Variants in PAPPA2 observed in about 807,000 individuals in gnomAD.
PAPPA2 encodes the protein pappalysin 2.
In PAPPA2, 86 loss-of-function variants were observed where a neutral mutation model predicts 176.4. The ratio of observed to expected loss-of-function variants is 0.49; its 90% CI spans 0.41 to 0.58. PAPPA2 has a LOEUF of 0.58. Among genes scored for constraint, PAPPA2 ranks in the 20% least tolerant of loss-of-function variants. PAPPA2 has a pLI of 0.00. For missense variants in PAPPA2, 2,073 were observed against 2,256.9 expected, an observed-to-expected ratio of 0.92 and a Z score of 1.65; for synonymous variants, 809 against 852.2, an observed-to-expected ratio of 0.95 and a Z score of 0.88.
At position 176,671,002 on chromosome 1, in the gene PAPPA2, C is replaced by T; in HGVS notation, c.2024C>T (p.Ala675Val). ...ATGAGTGTGAAGGAGCTGAAGGAGG[C>T]CCTGCAGCTGAACAGTACTCACTTC... Reference protein sequence around the residue: ...AYMSVKELKEALQLNSTHFLN... With the variant: ...AYMSVKELKEVLQLNSTHFLN... Residue 675 changes from alanine to valine, a missense_variant, in exon 4 of 23, where the codon GCC (alanine) becomes GTC (valine). Around this residue, in one of 4 missense-constraint regions of PAPPA2, gnomAD observed 1,196 missense variants for 1,330.4 expected, o/e 0.90. Coordinates refer to ENST00000367662, the MANE Select transcript of PAPPA2 (RefSeq NM_020318.3). 6.2e-7 allele frequency: 1 copy of T among 1,613,806 alleles called. No individual in the cohort carries two copies. Among genetic ancestry groups the T allele is most frequent in the South Asian group, 1.1e-5 (1 of 91,074 alleles).
intron 3 of PAPPA2, among the ~76,000 whole-genome samples, chr1:176,612,703 T>C (rs2102680010): frequency 6.6e-6 from 1 of 152,340 alleles, no homozygotes; most frequent in East Asian, 1.9e-4. Flanking sequence ...AACAATGTTC[T>C]GAACAATATC....
At chr1:176,803,530 G>A (rs538349527) in intron 21 of PAPPA2, among the ~76,000 whole-genome samples, 2 of 152,272 alleles carry the variant, frequency 1.3e-5, no homozygotes, top group East Asian at 3.9e-4. Context: ...TGGAGACATC[G>A]ATTGTGTCCA....
rs766907844 is a variant in PAPPA2 at position 176,800,068 on chromosome 1, T to G, written c.5138T>G (p.Val1713Gly). The change falls in exon 21 of 23, where the codon GTG becomes GGG. Residue 1713 changes from valine (V) to glycine (G), a missense_variant. Val to Gly is a moderately radical substitution (Grantham distance 109, BLOSUM62 -3). Around this residue, in one of 4 missense-constraint regions of PAPPA2, gnomAD observed 846 missense variants for 857.9 expected, o/e 0.99. Coordinates refer to ENST00000367662, the MANE Select transcript of PAPPA2 (RefSeq NM_020318.3). ...WMEPVKVQSIVCTGRRQWHPD... is the reference protein window; with the variant it reads ...WMEPVKVQSIGCTGRRQWHPD... ...TCCCGTCTTTCCCCTTAGAGCATTG[T>G]GTGCACTGGCCGGCGTCAATGGCAC... is the stretch of plus-strand genomic sequence containing the variant. The G allele has an allele frequency of 1.9e-6, 3 of 1,613,968 alleles. No individual in the cohort carries two copies. The African/African-American group carries it at 4.0e-5, about 22-fold the overall frequency.
intron 21 of PAPPA2, among the ~76,000 whole-genome samples, chr1:176,812,376 G>T (rs924858050): frequency 1.3e-5 from 2 of 151,974 alleles, no homozygotes; most frequent in Non-Finnish European, 2.9e-5. Context: ...TAATGATTTT[G>T]CTGAAGTTAT....
intron 1 of PAPPA2, among the ~76,000 whole-genome samples, chr1:176,477,796 A>C (rs188906000): frequency 1.8e-4 from 27 of 152,188 alleles, no homozygotes; most frequent in African/African-American, 5.5e-4. Context: ...AAAATAAAAT[A>C]AAATATGCTG....
chr1:176,811,533 A>G (rs1666149250), intron 21 of PAPPA2, among the ~76,000 whole-genome samples: 1 of 152,230 alleles, frequency 6.6e-6, no homozygotes, highest in South Asian at 2.1e-4. Context: ...CTACAAGCCA[A>G]TAATAGGGAC....
Position 176,626,035 on chromosome 1 carries a change from T to C in PAPPA2, c.1991+30440T>C, listed in dbSNP as rs927371061. Among the ~76,000 whole-genome samples, 41 of 151,908 alleles carry C rather than the reference T, an allele frequency of 2.7e-4. 1 individual carries two copies. The highest frequency in any genetic ancestry group is 2.9e-5 in the Non-Finnish European group (2 of 67,980). On this transcript the variant is annotated intron_variant, in intron 3 of 22. Coordinates refer to ENST00000367662, the MANE Select transcript of PAPPA2 (RefSeq NM_020318.3). ...GAGACTCTGTCTCTAAAAAGATTTGTAAAAATTAAAAAAAAATTACAAAAT... is the reference window on the plus strand; with the variant it reads ...GAGACTCTGTCTCTAAAAAGATTTGCAAAAATTAAAAAAAAATTACAAAAT...
intron 3 of PAPPA2, among the ~76,000 whole-genome samples, chr1:176,669,835 C>T (rs1188506606): frequency 1.3e-5 from 2 of 152,150 alleles, no homozygotes; most frequent in Non-Finnish European, 2.9e-5. Flanking sequence ...GGAGGCAGAG[C>T]AAGCTAGAGG....
At chr1:176,501,308 T>C (rs1647949385) in intron 1 of PAPPA2, among the ~76,000 whole-genome samples, 1 of 152,104 alleles carries the variant, frequency 6.6e-6, no homozygotes, top group African/African-American at 2.4e-5. Context: ...TAACAATTAG[T>C]CTCTATTATT....
In PAPPA2 at chr1:176,557,129, G is replaced by C; in HGVS notation, c.807G>C (p.Arg269=). The change falls in exon 2 of 23, where the codon CGG becomes CGC. Residue 269 remains arginine (R), a synonymous_variant. Coordinates refer to ENST00000367662, the MANE Select transcript of PAPPA2 (RefSeq NM_020318.3). ...CCATCTTATACTTCTCTGGGAGGCG[G>C]GAGCGGCTGCTGCTGCGTCCAGAAG... The part of the protein sequence containing the change: ...GLPILYFSGR[R]ERLLLRPEVL... 3 of 1,613,932 alleles carry C rather than the reference G, an allele frequency of 1.9e-6. No individual in the cohort carries two copies. The highest frequency in any genetic ancestry group is 2.5e-6 in the Non-Finnish European group (3 of 1,180,018).
intron 20 of PAPPA2, among the ~76,000 whole-genome samples, chr1:176,795,719 G>A (rs1214649698): frequency 6.6e-6 from 1 of 152,066 alleles, no homozygotes; most frequent in Non-Finnish European, 1.5e-5. Context: ...TTTTTCCACA[G>A]ACTAAACAGC....
At chr1:176,635,990 T>C (rs1315594515) in intron 3 of PAPPA2, among the ~76,000 whole-genome samples, 1 of 152,172 alleles carries the variant, frequency 6.6e-6, no homozygotes, top group Non-Finnish European at 1.5e-5. Context: ...GATCCTGGAA[T>C]GCCAAATGAA....
intron 1 of PAPPA2, among the ~76,000 whole-genome samples, chr1:176,472,122 A>G (rs1430398002): frequency 6.6e-6 from 1 of 152,210 alleles, no homozygotes; most frequent in Non-Finnish European, 1.5e-5. Context: ...ATATTTTTGT[A>G]AAAAGACTCA....
chr1:176,756,195 T>C (rs1663411203), intron 14 of PAPPA2, among the ~76,000 whole-genome samples: 1 of 152,042 alleles, frequency 6.6e-6, no homozygotes, highest in South Asian at 2.1e-4. Context: ...CCTCAAGTGA[T>C]CCACCCACCT....
chr1:176,573,527 G>A (rs372906774), intron 2 of PAPPA2, among the ~76,000 whole-genome samples: 1 of 152,070 alleles, frequency 6.6e-6, no homozygotes, highest in Non-Finnish European at 1.5e-5. Context: ...AAAAATGATC[G>A]AAATGACACT....
intron 17 of PAPPA2, among the ~76,000 whole-genome samples, chr1:176,784,125 T>C (rs188828164): frequency 7.0e-4 from 107 of 152,342 alleles, no homozygotes; most frequent in Non-Finnish European, 1.2e-3. Flanking sequence ...GTATTTTAGC[T>C]GACAGACAGC....
At chr1:176,764,127 G>T (rs185676709) in intron 14 of PAPPA2, among the ~76,000 whole-genome samples, 195 of 152,234 alleles carry the variant, frequency 1.3e-3, no homozygotes, top group Non-Finnish European at 2.2e-3. Context: ...CACAAGAACA[G>T]CACTAAGCCA....
chr1:176,519,598 A>T (rs1486232623), intron 1 of PAPPA2, among the ~76,000 whole-genome samples: 2 of 152,198 alleles, frequency 1.3e-5, no homozygotes, highest in Non-Finnish European at 2.9e-5. Context: ...CTAATAAAAC[A>T]TAATATTATA....
intron 21 of PAPPA2, chr1:176,836,499 A>G (rs1312624335): frequency 6.6e-6 from 1 of 152,272 alleles, no homozygotes; most frequent in African/African-American, 2.4e-5. Flanking sequence ...CTGTAGAAGA[A>G]CAGTGTTCTT....
Sources: allele counts gnomAD v4.1 joint callset (sites outside exome capture counted in the v4.1 genomes callset), GRCh38; gene constraint gnomAD v4.1.1; regional missense constraint gnomAD v4.1.1; transcripts MANE v1.5; gene names NCBI Gene and HGNC (gene_info 2026-07-23, HGNC 2026-07-21).